Variants in ABTB3 observed in about 807,000 individuals in gnomAD.
ABTB3 encodes the protein ankyrin repeat- and BTB/POZ domain-containing protein 3.
the ABTB3 span, among the ~76,000 whole-genome samples, chr12:107,452,422 G>T: frequency 1.3e-5 from 2 of 151,984 alleles, no homozygotes; most frequent in Non-Finnish European, 1.5e-5. Flanking sequence ...TAGCCAGGAT[G>T]GTCTCGATCT....
the ABTB3 span, among the ~76,000 whole-genome samples, chr12:107,464,604 C>A: frequency 2.0e-5 from 3 of 152,270 alleles, no homozygotes; most frequent in South Asian, 4.1e-4. Context: ...AGCCACTGGG[C>A]CTGGCCAATG....
chr12:107,395,868 C>T, the ABTB3 span, among the ~76,000 whole-genome samples: 1 of 152,196 alleles, frequency 6.6e-6, no homozygotes, highest in Non-Finnish European at 1.5e-5. Flanking sequence ...ACACAGCAAC[C>T]CTGTATGGGG....
chr12:107,462,954 A>G, the ABTB3 span, among the ~76,000 whole-genome samples: 1 of 151,246 alleles, frequency 6.6e-6, no homozygotes, highest in Admixed American at 6.6e-5. Context: ...CTCTAGTGAC[A>G]GTGATGATAA....
chr12:107,596,180 C>T, the ABTB3 span, among the ~76,000 whole-genome samples: 1 of 152,132 alleles, frequency 6.6e-6, no homozygotes, highest in Non-Finnish European at 1.5e-5. Flanking sequence ...TCTGTAATAC[C>T]AGAACATATC....
the ABTB3 span, among the ~76,000 whole-genome samples, chr12:107,407,243 C>T: frequency 1.3e-5 from 2 of 152,200 alleles, no homozygotes; most frequent in African/African-American, 4.8e-5. Context: ...TGTAAAATAC[C>T]TGGCACAGTG....
the ABTB3 span, chr12:107,544,164 G>T: frequency 1.6e-5 from 25 of 1,603,924 alleles, no homozygotes; most frequent in Non-Finnish European, 2.0e-5. Context: ...GCCTTGCCTT[G>T]TGGTGGGTGG....
chr12:107,409,561 T>A, the ABTB3 span, among the ~76,000 whole-genome samples: 2 of 152,228 alleles, frequency 1.3e-5, no homozygotes, highest in Admixed American at 6.5e-5. Flanking sequence ...TGCAGCGACA[T>A]GGATAGAGCT....
At chr12:107,469,887 T>TTTC in the ABTB3 span, among the ~76,000 whole-genome samples, 1 of 103,930 alleles carries the variant, frequency 9.6e-6, no homozygotes, top group Non-Finnish European at 1.9e-5. Flanking sequence ...TCTTTCTTTC[T>TTTC]TTCTTTCTTT....
chr12:107,630,844 T>C, the ABTB3 span, among the ~76,000 whole-genome samples: 2 of 152,236 alleles, frequency 1.3e-5, no homozygotes, highest in Non-Finnish European at 2.9e-5. Context: ...CTATGATTAA[T>C]AGGCTATATT....
the ABTB3 span, among the ~76,000 whole-genome samples, chr12:107,462,145 C>G: frequency 2.0e-5 from 3 of 152,184 alleles, no homozygotes; most frequent in Admixed American, 6.5e-5. Flanking sequence ...TCCTGGAAAT[C>G]TTCCTCATTT....
At chr12:107,510,975 G>A in the ABTB3 span, among the ~76,000 whole-genome samples, 1 of 152,078 alleles carries the variant, frequency 6.6e-6, no homozygotes, top group African/African-American at 2.4e-5. Flanking sequence ...TCAGCAAAGA[G>A]CCCTAAATGA....
the ABTB3 span, among the ~76,000 whole-genome samples, chr12:107,432,258 C>T: frequency 1.3e-5 from 2 of 152,176 alleles, no homozygotes; most frequent in East Asian, 3.9e-4. Flanking sequence ...AAAGGTTACT[C>T]TGAGGCCTGA....
At chr12:107,568,544 A>C in the ABTB3 span, among the ~76,000 whole-genome samples, 1 of 152,198 alleles carries the variant, frequency 6.6e-6, no homozygotes, top group Non-Finnish European at 1.5e-5. Flanking sequence ...TAAATTAGTT[A>C]AAATTTTAGT....
chr12:107,627,824 G>T, the ABTB3 span, among the ~76,000 whole-genome samples: 5 of 152,210 alleles, frequency 3.3e-5, no homozygotes, highest in Non-Finnish European at 7.3e-5. Flanking sequence ...AAGAAAGCAT[G>T]AAATAGGTAA....
chr12:107,325,958 T>C, the ABTB3 span, among the ~76,000 whole-genome samples: 1 of 152,184 alleles, frequency 6.6e-6, no homozygotes, highest in Non-Finnish European at 1.5e-5. Flanking sequence ...CAAGCTGGAG[T>C]GCAATGGTGC....
the ABTB3 span, among the ~76,000 whole-genome samples, chr12:107,376,811 A>T: frequency 2.6e-5 from 4 of 151,910 alleles, no homozygotes; most frequent in African/African-American, 9.7e-5. Context: ...GTTTTATTCA[A>T]CCCTACAACC....
At chr12:107,579,106 T>C in the ABTB3 span, among the ~76,000 whole-genome samples, 1 of 152,288 alleles carries the variant, frequency 6.6e-6, no homozygotes, top group Admixed American at 6.5e-5. Flanking sequence ...TGAGGTAAAG[T>C]CAGGAGGAAC....
At chr12:107,562,373 A>C in the ABTB3 span, among the ~76,000 whole-genome samples, 1 of 152,256 alleles carries the variant, frequency 6.6e-6, no homozygotes. Context: ...AGGAGACAGC[A>C]TTGGAGCAGA....
At chr12:107,606,231 C>T in the ABTB3 span, among the ~76,000 whole-genome samples, 1 of 152,154 alleles carries the variant, frequency 6.6e-6, no homozygotes. Context: ...CCAGCAGCTC[C>T]TACCTACATC....
Sources: allele counts gnomAD v4.1 joint callset (sites outside exome capture counted in the v4.1 genomes callset), GRCh38; gene constraint gnomAD v4.1.1; transcripts MANE v1.5; gene names NCBI Gene and HGNC (gene_info 2026-07-23, HGNC 2026-07-21).